Variants in DCLK1 observed in about 807,000 individuals in gnomAD.
The protein encoded by DCLK1 is doublecortin like kinase 1.
Under a neutral mutation model 86.2 loss-of-function variants are expected in DCLK1, and 16 were observed. The ratio of observed to expected loss-of-function variants is 0.19; its 90% CI spans 0.13 to 0.28. The LOEUF (loss-of-function observed/expected upper bound fraction) is 0.28, where lower values mean the gene tolerates loss of function less well. Ranked by LOEUF, DCLK1 falls within the 10% of genes least tolerant of loss-of-function variation. DCLK1 has a pLI of 1.00. For synonymous variants in DCLK1, 369 were observed against 370.5 expected (o/e 1.00, Z 0.05); for missense variants, 590 against 940.2 (o/e 0.63, Z 4.87).
At chr13:35,942,892 C>T (rs1369139235) in intron 4 of DCLK1, among the ~76,000 whole-genome samples, 2 of 152,216 alleles carry the variant, frequency 1.3e-5, no homozygotes, top group Middle Eastern at 6.8e-3. Flanking sequence ...AAATATAATG[C>T]TATAACGGTA....
At chr13:35,834,961 G>A (rs547240438) in intron 8 of DCLK1, among the ~76,000 whole-genome samples, 3 of 152,328 alleles carry the variant, frequency 2.0e-5, no homozygotes, top group East Asian at 3.9e-4. Context: ...AGGGGTGCCA[G>A]GAGCACATAA....
chr13:35,994,507 T>C (rs749572748), intron 3 of DCLK1, among the ~76,000 whole-genome samples: 38 of 152,250 alleles, frequency 2.5e-4, no homozygotes, highest in Non-Finnish European at 4.1e-4. Flanking sequence ...AAAGCTAATA[T>C]AAGATAGCAA....
At chr13:35,958,926 T>C (rs779594302) in intron 3 of DCLK1, among the ~76,000 whole-genome samples, 1 of 152,188 alleles carries the variant, frequency 6.6e-6, no homozygotes, top group Admixed American at 6.5e-5. Context: ...GTTTGAATAA[T>C]AATACTGTTT....
At chr13:35,846,250 C>A in intron 6 of DCLK1, 1 of 984,782 alleles carries the variant, frequency 1.0e-6, no homozygotes, top group South Asian at 4.7e-5. Context: ...TCCAAATTTA[C>A]AACATTCATA....
chr13:35,769,398 A>G lies in DCLK1; in HGVS notation c.*5137T>C, dbSNP rs1425443140. ...AAAATACTGTTGAATTTCACACTCA[A>G]CTAATCCTTTAATAATTTTCTTTCA... On this transcript the variant is annotated 3_prime_UTR_variant, in exon 17 of 17. Transcript: ENST00000360631. The G allele has an allele frequency of 6.6e-6, 1 of 152,212 alleles. No individual in the cohort carries two copies. The highest frequency in any genetic ancestry group is 2.4e-5 in the African/African-American group (1 of 41,456). The allele number at this position is 152,212 out of a possible 1,614,324, so 9.4% of individuals were successfully genotyped here. A position where few individuals can be genotyped will look rare whatever the true frequency, so the allele number is the denominator to read the frequency against.
chr13:35,830,520 T>C (rs568247641), intron 8 of DCLK1, among the ~76,000 whole-genome samples: 1 of 152,344 alleles, frequency 6.6e-6, no homozygotes, highest in South Asian at 2.1e-4. Flanking sequence ...GAGGCTCCTG[T>C]AGAGTTTGTC....
rs568629420 is a variant in DCLK1 at position 36,092,917 on chromosome 13, A to G, written c.723+18952T>C. Among the ~76,000 whole-genome samples the G allele has an allele frequency of 3.9e-5, 6 of 152,340 alleles. No homozygotes were observed. The East Asian group carries it at 9.7e-4, about 25-fold the overall frequency. On this transcript the variant is annotated intron_variant, in intron 3 of 16. Coordinates refer to ENST00000360631, the MANE Select transcript of DCLK1 (RefSeq NM_001330071.2). ...CATGTTAGGCAAGAGCCCAGGCTGC[A>G]CAAAATAGGTATAATCTGAATTTTA... is the stretch of plus-strand genomic sequence containing the variant.
chr13:35,942,985 A>G (rs994689229), intron 4 of DCLK1, among the ~76,000 whole-genome samples: 1 of 152,210 alleles, frequency 6.6e-6, no homozygotes, highest in Non-Finnish European at 1.5e-5. Flanking sequence ...AACAGCTCCC[A>G]CCAATGTCTT....
intron 3 of DCLK1, among the ~76,000 whole-genome samples, chr13:36,102,025 G>C (rs1278018942): frequency 6.6e-6 from 1 of 152,124 alleles, no homozygotes; most frequent in Admixed American, 6.5e-5. Flanking sequence ...TTACAGGCAT[G>C]AGCCACCGCA....
chr13:35,799,255 T>G (rs2086872404), intron 15 of DCLK1, among the ~76,000 whole-genome samples: 1 of 140,222 alleles, frequency 7.1e-6, no homozygotes, highest in Admixed American at 7.1e-5. Flanking sequence ...CAGTTGTTTT[T>G]TTTTTGTTTT....
At chr13:35,980,204 C>T (rs573344455) in intron 3 of DCLK1, among the ~76,000 whole-genome samples, 4 of 152,268 alleles carry the variant, frequency 2.6e-5, no homozygotes, top group Non-Finnish European at 5.9e-5. Context: ...GTCTGTAATC[C>T]TAGCAATGTG....
At chr13:36,053,283 G>C (rs1359076996) in intron 3 of DCLK1, among the ~76,000 whole-genome samples, 1 of 152,150 alleles carries the variant, frequency 6.6e-6, no homozygotes, top group Admixed American at 6.6e-5. Context: ...GAAGCTCACA[G>C]TCTAGCGAGC....
chr13:36,081,749 T>C (rs1156880107), intron 3 of DCLK1, among the ~76,000 whole-genome samples: 1 of 152,192 alleles, frequency 6.6e-6, no homozygotes, highest in Non-Finnish European at 1.5e-5. Context: ...GCTCTCTAAC[T>C]TCTTCTGGGA....
At chr13:36,024,536 G>T (rs551940694) in intron 3 of DCLK1, among the ~76,000 whole-genome samples, 18 of 152,218 alleles carry the variant, frequency 1.2e-4, no homozygotes, top group Admixed American at 9.8e-4. Flanking sequence ...AGAAGGATAA[G>T]ACTTGCACAA....
At chr13:35,851,023 T>C (rs1160842756) in intron 6 of DCLK1, among the ~76,000 whole-genome samples, 1 of 152,240 alleles carries the variant, frequency 6.6e-6, no homozygotes, top group Non-Finnish European at 1.5e-5. Context: ...CCTTCCTTGA[T>C]GCCCGTTGAG....
intron 3 of DCLK1, among the ~76,000 whole-genome samples, chr13:35,985,048 A>G (rs1180140372): frequency 6.6e-6 from 1 of 152,198 alleles, no homozygotes; most frequent in East Asian, 1.9e-4. Flanking sequence ...CAGCCATTAC[A>G]GTGGCTGGTG....
intron 3 of DCLK1, among the ~76,000 whole-genome samples, chr13:35,975,070 C>A (rs1215261972): frequency 6.6e-6 from 1 of 152,136 alleles, no homozygotes; most frequent in African/African-American, 2.4e-5. Flanking sequence ...TCCCCAAGGG[C>A]ACAACACCTG....
chr13:35,955,837 C>G (rs1877948971), intron 3 of DCLK1, among the ~76,000 whole-genome samples: 1 of 152,084 alleles, frequency 6.6e-6, no homozygotes, highest in Admixed American at 6.5e-5. Flanking sequence ...GCTGTCAGTG[C>G]TGATACTAGT....
At chr13:36,040,977 T>G (rs1207766592) in intron 3 of DCLK1, among the ~76,000 whole-genome samples, 5 of 152,128 alleles carry the variant, frequency 3.3e-5, no homozygotes, top group Non-Finnish European at 1.5e-5. Context: ...TTTTTGGCAC[T>G]ATAAGATTCT....
Sources: allele counts gnomAD v4.1 joint callset (sites outside exome capture counted in the v4.1 genomes callset), GRCh38; gene constraint gnomAD v4.1.1; transcripts MANE v1.5; gene names NCBI Gene and HGNC (gene_info 2026-07-23, HGNC 2026-07-21).